The following COBLL1 variants were observed in gnomAD, a reference collection of about 807,000 sequenced individuals.
COBLL1 encodes cordon-bleu protein-like 1.
In COBLL1, 50 loss-of-function variants were observed where a neutral mutation model predicts 94.8. The observed-to-expected ratio is 0.53, with a 90% CI of 0.42 to 0.67. COBLL1 has a LOEUF of 0.67. Among genes scored for constraint, COBLL1 ranks in the 30% least tolerant of loss-of-function variants. COBLL1 has a pLI of 0.00. For synonymous variants in COBLL1, 448 were observed against 473.8 expected (o/e 0.95, Z 0.71); for missense variants, 1,362 against 1,348.7 (o/e 1.01, Z -0.15).
At chr2:164,760,285 A>T (rs1687614893) in intron 2 of COBLL1, among the ~76,000 whole-genome samples, 1 of 152,220 alleles carries the variant, frequency 6.6e-6, no homozygotes, top group East Asian at 1.9e-4. Flanking sequence ...CTGAAAAAAG[A>T]CAGTCTCAAG....
chr2:164,814,642 A>G (rs1684627623), intron 2 of COBLL1, among the ~76,000 whole-genome samples: 1 of 152,176 alleles, frequency 6.6e-6, no homozygotes, highest in African/African-American at 2.4e-5. Flanking sequence ...TTTTCTGAGG[A>G]CACAGTATCT....
At chr2:164,713,482 T>C (rs756243619) in intron 7 of COBLL1, among the ~76,000 whole-genome samples, 3 of 152,176 alleles carry the variant, frequency 2.0e-5, no homozygotes, top group Non-Finnish European at 4.4e-5. Flanking sequence ...GGTTCACTTA[T>C]ATGTGATCTA....
rs2105430562 is a variant in COBLL1 at position 164,695,024 on chromosome 2, C to T, written c.2368G>A (p.Glu790Lys). 1 of 1,613,882 alleles carries T rather than the reference C, an allele frequency of 6.2e-7. No homozygotes were observed. The highest frequency in any genetic ancestry group is 2.2e-5 in the East Asian group (1 of 44,858). ...TEDSAISESP[E>K]EPLPNLKPKP... ...GGTTTAAGGTTTGGCAGTGGCTCTT[C>T]TGGGCTTTCAGAAATAGCAGAATCT... Residue 790 changes from glutamate (E) to lysine (K), a missense_variant, in exon 12 of 14, where the codon GAA (glutamate) becomes AAA (lysine). Physicochemically the swap from Glu to Lys is moderately conservative, Grantham distance 56. Coordinates refer to ENST00000652658, the MANE Select transcript of COBLL1 (RefSeq NM_001365672.2).
intron 2 of COBLL1, among the ~76,000 whole-genome samples, chr2:164,795,944 T>C (rs1443452733): frequency 1.3e-5 from 2 of 152,244 alleles, no homozygotes; most frequent in Non-Finnish European, 2.9e-5. Context: ...GTCTGAAGAG[T>C]GTGCCCCATG....
Position 164,817,662 on chromosome 2 carries a change from C to A in COBLL1, c.41+23494G>T, listed in dbSNP as rs2105351422. Among the ~76,000 whole-genome samples the A allele has an allele frequency of 3.3e-5, 5 of 149,256 alleles. 1 individual carries two copies. In the South Asian group the frequency reaches 1.0e-3, roughly 31 times the overall value. On this transcript the variant is annotated intron_variant, in intron 2 of 13. Transcript: ENST00000652658. The stretch of plus-strand genomic sequence containing the variant: ...CCCAGTGGCCTCAGGCAGAACTAAT[C>A]ACTGAATGAGTTCCTACAGTATATT...
At chr2:164,830,871 C>T (rs1218997962) in intron 2 of COBLL1, among the ~76,000 whole-genome samples, 1 of 152,082 alleles carries the variant, frequency 6.6e-6, no homozygotes, top group Non-Finnish European at 1.5e-5. Flanking sequence ...TTTCAGATTA[C>T]TAGCATTAAA....
rs1020319469 is a variant in COBLL1 at position 164,681,572 on chromosome 2, A to G, written c.*4374T>C. ...GCAAGAGAGGGAAAGAACTGAGGCCATCACTGCTATCACAGCAAAAGGTAT... is the reference window on the plus strand; with the variant it reads ...GCAAGAGAGGGAAAGAACTGAGGCCGTCACTGCTATCACAGCAAAAGGTAT... On this transcript the variant is annotated 3_prime_UTR_variant, in exon 14 of 14. Coordinates refer to ENST00000652658, the MANE Select transcript of COBLL1 (RefSeq NM_001365672.2). 6.6e-6 allele frequency: 1 copy of G among 152,254 alleles called. No individual in the cohort carries two copies. The highest frequency in any genetic ancestry group is 6.5e-5 in the Admixed American group (1 of 15,270). 9.4% of individuals were successfully genotyped at this position (152,254 alleles called of 1,614,324 possible).
chr2:164,815,108 A>G (rs1337041708), intron 2 of COBLL1, among the ~76,000 whole-genome samples: 1 of 152,142 alleles, frequency 6.6e-6, no homozygotes, highest in African/African-American at 2.4e-5. Flanking sequence ...TCAGAAATGC[A>G]TACTTTCCAG....
intron 2 of COBLL1, among the ~76,000 whole-genome samples, chr2:164,837,701 G>A (rs990283175): frequency 1.3e-5 from 2 of 149,818 alleles, no homozygotes; most frequent in Admixed American, 1.3e-4. Flanking sequence ...AATTATATAT[G>A]AATGTACATA....
chr2:164,812,522 G>T (rs1222426310), intron 2 of COBLL1, among the ~76,000 whole-genome samples: 1 of 151,850 alleles, frequency 6.6e-6, no homozygotes, highest in Non-Finnish European at 1.5e-5. Flanking sequence ...ACACTATAGA[G>T]GCAACAACAG....
intron 2 of COBLL1, among the ~76,000 whole-genome samples, chr2:164,750,213 G>T (rs1289740240): frequency 6.6e-6 from 1 of 152,048 alleles, no homozygotes. Context: ...TCTCCATTTG[G>T]ATGTCCCATA....
intron 5 of COBLL1, 113 bp from the exon 6 acceptor site, chr2:164,722,635 T>TATCTTGAAA: frequency 1.8e-6 from 1 of 553,052 alleles, no homozygotes; most frequent in Non-Finnish European, 3.2e-6. Context: ...AAGCTACTAA[T>TATCTTGAAA]TATAGTCTAC....
Position 164,672,363 on chromosome 2 carries a change from A to G in COBLL1, n.127-6462T>C, listed in dbSNP as rs538497273. On this transcript the variant is annotated intron_variant and non_coding_transcript_variant, in intron 1 of 2. Coordinates refer to the COBLL1 transcript ENST00000495084. ...AAATAGTATCACTTAAATAGAATCT[A>G]GACTTCAAGAAAGGAGAGGGTTTTT... Among the ~76,000 whole-genome samples the G allele has an allele frequency of 9.2e-5, 14 of 152,342 alleles. No individual in the cohort carries two copies. In the South Asian group the frequency reaches 2.9e-3, roughly 32 times the overall value.
At chr2:164,750,151 A>G (rs747585487) in intron 2 of COBLL1, among the ~76,000 whole-genome samples, 6 of 152,044 alleles carry the variant, frequency 3.9e-5, no homozygotes, top group Non-Finnish European at 7.4e-5. Flanking sequence ...TACATCTCCA[A>G]CCTGACTTGT....
rs1683901356 is a variant in COBLL1, at chr2:164,695,633, G to A, written c.1759C>T (p.Pro587Ser). The A allele has an allele frequency of 6.2e-7, 1 of 1,613,848 alleles. No individual in the cohort carries two copies. The highest frequency in any genetic ancestry group is 8.5e-7 in the Non-Finnish European group (1 of 1,179,882). The change falls in exon 12 of 14, where the codon CCA becomes TCA. Residue 587 changes from proline to serine, a missense_variant. Pro to Ser is a moderately conservative substitution (Grantham distance 74). Transcript: ENST00000652658. Reference protein sequence around the residue: ...KENHLAASSVPDQKLNQPSAE... With the variant: ...KENHLAASSVSDQKLNQPSAE... The stretch of plus-strand genomic sequence containing the variant: ...CTGGGTTGATTCAGTTTTTGATCTG[G>A]TACTGATGAAGCTGCTAGATGGTTT...
chr2:164,837,113 C>A (rs187683589), intron 2 of COBLL1, among the ~76,000 whole-genome samples: 157 of 152,314 alleles, frequency 1.0e-3, no homozygotes, highest in African/African-American at 3.7e-3. Flanking sequence ...TCCATAGCTC[C>A]AAAGCTGCAA....
chr2:164,722,734 A>G, intron 5 of COBLL1: 1 of 286,876 alleles, frequency 3.5e-6, no homozygotes, highest in Non-Finnish European at 6.4e-6. Flanking sequence ...AGCTTAAAAA[A>G]CTAAGATACA....
chr2:164,712,870 C>T (rs1454405131), intron 7 of COBLL1, among the ~76,000 whole-genome samples: 11 of 151,914 alleles, frequency 7.2e-5, no homozygotes, highest in South Asian at 2.1e-4. Flanking sequence ...AAATAAAAGT[C>T]GCCTCATAGA....
chr2:164,810,671 A>T (rs1414310143), intron 2 of COBLL1, among the ~76,000 whole-genome samples: 1 of 151,774 alleles, frequency 6.6e-6, no homozygotes, highest in Non-Finnish European at 1.5e-5. Context: ...TTTACTATTG[A>T]ATTTTATTCA....
Sources: gnomAD v4.1 joint callset for allele counts (sites outside exome capture counted in the v4.1 genomes callset) on GRCh38, gnomAD v4.1.1 for gene constraint, MANE v1.5 for transcripts, NCBI Gene and HGNC (gene_info 2026-07-23, HGNC 2026-07-21) for gene names.